Variants in CWC27 observed in about 807,000 individuals in gnomAD.
The protein encoded by CWC27 is spliceosome-associated protein CWC27 homolog.
Under a neutral mutation model 63.6 loss-of-function variants are expected in CWC27, and 47 were observed. The observed-to-expected ratio is 0.74, with a 90% CI of 0.58 to 0.94. The LOEUF (loss-of-function observed/expected upper bound fraction) is 0.94, where lower values mean the gene tolerates loss of function less well. Among genes scored for constraint, CWC27 ranks in the 40% least tolerant of loss-of-function variants. The probability of loss-of-function intolerance (pLI) is 0.00; values close to 1 mark genes in which losing one functional copy is unlikely to be tolerated. For missense variants in CWC27, 495 were observed against 554.3 expected, an observed-to-expected ratio of 0.89 and a Z score of 1.07; for synonymous variants, 175 against 179.8, an observed-to-expected ratio of 0.97 and a Z score of 0.22.
chr5:64,842,157 A>G (rs1289211412), intron 10 of CWC27, among the ~76,000 whole-genome samples: 1 of 152,146 alleles, frequency 6.6e-6, no homozygotes, highest in African/African-American at 2.4e-5. Flanking sequence ...GATTGAGACC[A>G]TGTGGCCTAC....
chr5:64,997,557 C>G (rs1749656324), intron 13 of CWC27, among the ~76,000 whole-genome samples: 1 of 151,906 alleles, frequency 6.6e-6, no homozygotes, highest in Admixed American at 6.6e-5. Context: ...TGTTTTATGA[C>G]CTTTTCTTAA....
intron 1 of CWC27, among the ~76,000 whole-genome samples, chr5:64,773,312 T>A (rs1743330034): frequency 6.6e-6 from 1 of 152,200 alleles, no homozygotes; most frequent in African/African-American, 2.4e-5. Flanking sequence ...AAGACCCCTA[T>A]ATAATTTGAA....
chr5:64,900,675 T>C (rs771112085), intron 11 of CWC27, among the ~76,000 whole-genome samples: 2 of 152,168 alleles, frequency 1.3e-5, no homozygotes, highest in Non-Finnish European at 2.9e-5. Flanking sequence ...TTAGAAATTT[T>C]GTAGTTTTAA....
intron 10 of CWC27, among the ~76,000 whole-genome samples, chr5:64,849,816 C>T (rs561206977): frequency 2.0e-5 from 3 of 151,958 alleles, no homozygotes; most frequent in African/African-American, 7.3e-5. Flanking sequence ...CTCTCTCTCT[C>T]CTGTCACCTG....
At chr5:64,883,232 C>T (rs2112340279) in intron 10 of CWC27, among the ~76,000 whole-genome samples, 1 of 152,258 alleles carries the variant, frequency 6.6e-6, no homozygotes, top group Non-Finnish European at 1.5e-5. Flanking sequence ...CATGAGGTCC[C>T]TCCCACAACA....
chr5:64,989,366 G>T (rs781073529), intron 13 of CWC27, among the ~76,000 whole-genome samples: 5 of 152,162 alleles, frequency 3.3e-5, no homozygotes, highest in African/African-American at 4.8e-5. Flanking sequence ...GTTCTGTTAA[G>T]ATCCTTTTTT....
At chr5:64,924,491 GC>G (rs1490422655) in intron 11 of CWC27, among the ~76,000 whole-genome samples, 1 of 152,186 alleles carries the variant, frequency 6.6e-6, no homozygotes, top group Non-Finnish European at 1.5e-5. Context: ...GTCTCTGTTT[GC>G]ATCTCTGATT....
rs553120721 is a variant in CWC27, at chr5:64,984,079, C to T, written c.1256+6841C>T. On this transcript the variant is annotated intron_variant, in intron 13 of 13. Coordinates refer to ENST00000381070, the MANE Select transcript of CWC27 (RefSeq NM_005869.4). ...AACTCCTGACCTGAGGTGATCTGCC[C>T]GCCTCAGCCTCCCAAAGTGCTGGGA... is the stretch of plus-strand genomic sequence containing the variant. Among the ~76,000 whole-genome samples, 638 of 152,106 alleles carry T rather than the reference C, an allele frequency of 4.2e-3. 9 individuals are homozygous for T. Among genetic ancestry groups the T allele is most frequent in the African/African-American group, 0.014 (590 of 41,504 alleles).
At chr5:64,898,451 A>G (rs1561147731) in intron 11 of CWC27, among the ~76,000 whole-genome samples, 1 of 152,218 alleles carries the variant, frequency 6.6e-6, no homozygotes, top group Non-Finnish European at 1.5e-5. Context: ...GACCAGAAGT[A>G]TAACTTCTTA....
chr5:64,983,580 G>A lies in CWC27; in HGVS notation c.1256+6342G>A, dbSNP rs10040091. On this transcript the variant is annotated intron_variant, in intron 13 of 13. Transcript: ENST00000381070. Reference sequence around the variant, plus strand: ...TGACCCAATCTATAGGTCCTGGGAAGCTTTTTTCCAGGTCCCAGTTTGTGA... The same window carrying A: ...TGACCCAATCTATAGGTCCTGGGAAACTTTTTTCCAGGTCCCAGTTTGTGA... Among the ~76,000 whole-genome samples, 406 of 152,286 alleles carry A rather than the reference G, an allele frequency of 2.7e-3. 2 individuals are homozygous for A. The highest frequency in any genetic ancestry group is 9.4e-3 in the African/African-American group (390 of 41,566).
At position 64,907,720 on chromosome 5, in the gene CWC27, G is replaced by A. The variant is rs190574330; in HGVS notation, c.1042+22174G>A. On this transcript the variant is annotated intron_variant, in intron 11 of 13. Transcript: ENST00000381070. ...ACTATGTTAAATAGGAGTGGTGAGA[G>A]AGGGCATCCCTATCTTGTGCCAGTT... 3.8e-3 allele frequency among the ~76,000 whole-genome samples: 583 copies of A among 152,300 alleles called. 2 individuals are homozygous for A. The highest frequency in any genetic ancestry group is 0.012 in the African/African-American group (503 of 41,552).
intron 11 of CWC27, among the ~76,000 whole-genome samples, chr5:64,903,288 G>A (rs914992265): frequency 3.3e-5 from 5 of 152,108 alleles, no homozygotes; most frequent in African/African-American, 1.2e-4. Flanking sequence ...ATGCCCATCA[G>A]TGACACACTG....
At chr5:64,857,873 C>T (rs1178035984) in intron 10 of CWC27, among the ~76,000 whole-genome samples, 1 of 152,140 alleles carries the variant, frequency 6.6e-6, no homozygotes, top group African/African-American at 2.4e-5. Flanking sequence ...CGCGGTGGCT[C>T]ACGCTTGTAA....
intron 11 of CWC27, among the ~76,000 whole-genome samples, chr5:64,921,941 T>G (rs947818610): frequency 6.6e-5 from 10 of 152,200 alleles, no homozygotes; most frequent in African/African-American, 2.4e-4. Flanking sequence ...AATATGAAAT[T>G]CTTGGTTGGA....
chr5:64,774,521 T>A (rs748049973), intron 1 of CWC27, among the ~76,000 whole-genome samples, 170 bp from the exon 2 acceptor site: 43 of 152,192 alleles, frequency 2.8e-4, no homozygotes, highest in Non-Finnish European at 4.9e-4. Context: ...GTACAATGAG[T>A]TGTAGTGAAT....
chr5:64,799,501 G>A (rs191712019), intron 7 of CWC27, among the ~76,000 whole-genome samples: 33 of 151,190 alleles, frequency 2.2e-4, no homozygotes, highest in African/African-American at 7.1e-4. Flanking sequence ...CAGGAGGATC[G>A]CTTGAACCCC....
intron 13 of CWC27, among the ~76,000 whole-genome samples, chr5:64,998,178 G>C (rs1749671485): frequency 6.6e-6 from 1 of 152,064 alleles, no homozygotes; most frequent in Non-Finnish European, 1.5e-5. Context: ...TCATGTTGGG[G>C]AAGTTTGCTT....
chr5:65,012,429 C>T (rs764507217), intron 13 of CWC27, among the ~76,000 whole-genome samples: 1 of 152,216 alleles, frequency 6.6e-6, no homozygotes, highest in African/African-American at 2.4e-5. Flanking sequence ...GCTGCATCAG[C>T]GAGTGCTATT....
At chr5:64,852,314 G>A (rs1746151434) in intron 10 of CWC27, among the ~76,000 whole-genome samples, 1 of 152,104 alleles carries the variant, frequency 6.6e-6, no homozygotes, top group African/African-American at 2.4e-5. Context: ...CAGCATAAAT[G>A]AAAATGAAAT....
Sources: allele counts gnomAD v4.1 joint callset (sites outside exome capture counted in the v4.1 genomes callset), GRCh38; gene constraint gnomAD v4.1.1; transcripts MANE v1.5; gene names NCBI Gene and HGNC (gene_info 2026-07-23, HGNC 2026-07-21).